The following OSBPL10 variants were observed in gnomAD, a reference collection of about 807,000 sequenced individuals.
OSBPL10 encodes oxysterol-binding protein-related protein 10.
Under a neutral mutation model 81.7 loss-of-function variants are expected in OSBPL10, and 49 were observed. The observed-to-expected ratio is 0.60, with a 90% CI of 0.48 to 0.76. The LOEUF (loss-of-function observed/expected upper bound fraction) is 0.76, where lower values mean the gene tolerates loss of function less well. Ranked by LOEUF, OSBPL10 falls within the 30% of genes least tolerant of loss-of-function variation. OSBPL10 has a pLI of 0.00. For synonymous variants in OSBPL10, 419 were observed against 383.6 expected, an observed-to-expected ratio of 1.09 and a Z score of -1.08; for missense variants, 923 against 987.8, an observed-to-expected ratio of 0.93 and a Z score of 0.88.
intron 4 of OSBPL10, among the ~76,000 whole-genome samples, chr3:31,805,989 G>C (rs2125460579): frequency 6.6e-6 from 1 of 152,306 alleles, no homozygotes; most frequent in Middle Eastern, 3.4e-3. Context: ...GTCACTATCT[G>C]CATGTACATT....
intron 3 of OSBPL10, among the ~76,000 whole-genome samples, chr3:31,872,858 G>A (rs1053382336): frequency 3.3e-5 from 5 of 152,012 alleles, no homozygotes; most frequent in East Asian, 1.9e-4. Context: ...TCCCAGACTC[G>A]AGCAATCTGC....
At chr3:32,069,126 A>C (rs1417397301) in intron 1 of OSBPL10, among the ~76,000 whole-genome samples, 6 of 152,104 alleles carry the variant, frequency 3.9e-5, no homozygotes, top group Non-Finnish European at 1.5e-5. Context: ...ACCTTTCACA[A>C]ATCAGCCAGT....
chr3:31,891,677 T>C (rs370478453), intron 1 of OSBPL10, among the ~76,000 whole-genome samples: 61 of 152,274 alleles, frequency 4.0e-4, no homozygotes, highest in African/African-American at 1.3e-3. Flanking sequence ...GTGTTTGCCA[T>C]TTTTGGGGGG....
At chr3:31,706,963 C>T (rs890169008) in intron 6 of OSBPL10, among the ~76,000 whole-genome samples, 1 of 141,292 alleles carries the variant, frequency 7.1e-6, no homozygotes. Flanking sequence ...CCCCACCCTT[C>T]CTGCTTTAGT....
At chr3:31,897,781 G>A (rs758169681) in intron 1 of OSBPL10, among the ~76,000 whole-genome samples, 4 of 151,830 alleles carry the variant, frequency 2.6e-5, no homozygotes, top group Admixed American at 6.6e-5. Context: ...AGGCTGAGGT[G>A]GGCAGATCAC....
intron 3 of OSBPL10, among the ~76,000 whole-genome samples, chr3:31,839,588 T>A (rs1408926730): frequency 6.6e-6 from 1 of 151,966 alleles, no homozygotes; most frequent in Non-Finnish European, 1.5e-5. Flanking sequence ...GAAGGTAACA[T>A]TTGATTAAAG....
At chr3:32,076,231 G>C (rs1699875128) in intron 1 of OSBPL10, among the ~76,000 whole-genome samples, 1 of 152,134 alleles carries the variant, frequency 6.6e-6, no homozygotes, top group African/African-American at 2.4e-5. Context: ...AGCCAGGCAA[G>C]GTGGCGAGCA....
chr3:31,977,127 C>G (rs1031667466), intron 1 of OSBPL10, among the ~76,000 whole-genome samples: 5 of 152,102 alleles, frequency 3.3e-5, no homozygotes, highest in African/African-American at 7.2e-5. Context: ...TCACCCTCCC[C>G]ACAAACACAT....
chr3:31,832,865 C>T (rs1430632418), intron 3 of OSBPL10, among the ~76,000 whole-genome samples: 3 of 152,202 alleles, frequency 2.0e-5, no homozygotes, highest in African/African-American at 7.2e-5. Context: ...CCTCGGCTAA[C>T]AGGCACAGCT....
chr3:31,987,353 T>C (rs1421449333), intron 2 of OSBPL10, among the ~76,000 whole-genome samples: 1 of 152,238 alleles, frequency 6.6e-6, no homozygotes, highest in Non-Finnish European at 1.5e-5. Context: ...ATTTAATCAT[T>C]CCACTACTGA....
intron 1 of OSBPL10, among the ~76,000 whole-genome samples, chr3:31,909,367 CA>C (rs1308804905): frequency 6.6e-6 from 1 of 152,156 alleles, no homozygotes; most frequent in Non-Finnish European, 1.5e-5. Flanking sequence ...TTCTGCCTTT[CA>C]TTCTCTGAGG....
At chr3:31,941,278 A>G (rs747988816) in intron 1 of OSBPL10, among the ~76,000 whole-genome samples, 4 of 152,230 alleles carry the variant, frequency 2.6e-5, no homozygotes, top group Admixed American at 6.5e-5. Flanking sequence ...AAGCAAGACA[A>G]ACAGACTCTG....
At chr3:31,868,677 T>C (rs967467477) in intron 3 of OSBPL10, among the ~76,000 whole-genome samples, 4 of 152,236 alleles carry the variant, frequency 2.6e-5, no homozygotes, top group African/African-American at 9.6e-5. Flanking sequence ...ATATTGTAAG[T>C]TTCCATCAAG....
At chr3:31,843,854 A>T (rs570839000) in intron 3 of OSBPL10, among the ~76,000 whole-genome samples, 53 of 152,318 alleles carry the variant, frequency 3.5e-4, no homozygotes, top group African/African-American at 1.2e-3. Context: ...AGGGAGTCAC[A>T]TGTTAACAGC....
intron 5 of OSBPL10, among the ~76,000 whole-genome samples, chr3:31,742,834 T>C (rs1009696708): frequency 3.3e-5 from 5 of 151,984 alleles, no homozygotes; most frequent in Non-Finnish European, 5.9e-5. Context: ...AGCACAACCT[T>C]TTCCAGTTTT....
At chr3:32,055,176 T>C (rs1010461096) in intron 1 of OSBPL10, among the ~76,000 whole-genome samples, 3 of 151,340 alleles carry the variant, frequency 2.0e-5, no homozygotes, top group African/African-American at 7.3e-5. Flanking sequence ...AAGAAAACTT[T>C]TGAACTATTT....
At chr3:32,019,362 T>G (rs1164653345) in intron 2 of OSBPL10, among the ~76,000 whole-genome samples, 1 of 152,222 alleles carries the variant, frequency 6.6e-6, no homozygotes, top group Admixed American at 6.5e-5. Flanking sequence ...AAGGCATCAT[T>G]CCTTACATTC....
intron 1 of OSBPL10, among the ~76,000 whole-genome samples, chr3:31,933,154 G>A (rs1185372528): frequency 6.6e-6 from 1 of 152,140 alleles, no homozygotes. Flanking sequence ...ACTGATCACT[G>A]AAATGAGTTG....
chr3:31,729,553 TG>T (rs1443091030), intron 6 of OSBPL10, among the ~76,000 whole-genome samples: 1 of 152,146 alleles, frequency 6.6e-6, no homozygotes, highest in Non-Finnish European at 1.5e-5. Context: ...TCTTTGTAAC[TG>T]GGATTACAGG....
Sources: gnomAD v4.1 joint callset for allele counts (sites outside exome capture counted in the v4.1 genomes callset) on GRCh38, gnomAD v4.1.1 for gene constraint, MANE v1.5 for transcripts, NCBI Gene and HGNC (gene_info 2026-07-23, HGNC 2026-07-21) for gene names.